The following PIGN variants were observed in gnomAD, a reference collection of about 807,000 sequenced individuals.
PIGN encodes GPI ethanolamine phosphate transferase 1.
Under a neutral mutation model 125.4 loss-of-function variants are expected in PIGN, and 117 were observed. The observed-to-expected ratio is 0.93, with a 90% confidence interval of 0.80 to 1.09. The LOEUF is 1.09. Among genes scored for constraint, PIGN ranks in the 50% least tolerant of loss-of-function variants. The probability of loss-of-function intolerance (pLI) is 0.00; values close to 1 mark genes in which losing one functional copy is unlikely to be tolerated. For missense variants in PIGN, 1,075 were observed against 1,094.9 expected, an observed-to-expected ratio of 0.98 and a Z score of 0.26; for synonymous variants, 392 against 377.8, an observed-to-expected ratio of 1.04 and a Z score of -0.44.
intron 14 of PIGN, among the ~76,000 whole-genome samples, chr18:62,131,083 TAGAA>T (rs2035719158): frequency 6.6e-6 from 1 of 152,098 alleles, no homozygotes; most frequent in South Asian, 2.1e-4. Context: ...GGTAAACTGG[TAGAA>T]AGGTTCACAT....
chr18:62,026,924 A>T (rs1238048772), intron 23 of PIGN, among the ~76,000 whole-genome samples: 2 of 152,304 alleles, frequency 1.3e-5, no homozygotes, highest in Non-Finnish European at 2.9e-5. Context: ...ACGGGGGGCC[A>T]AGGCGCGGTG....
intron 23 of PIGN, among the ~76,000 whole-genome samples, chr18:62,021,771 A>G (rs1599374335): frequency 6.6e-6 from 1 of 152,168 alleles, no homozygotes; most frequent in African/African-American, 2.4e-5. Context: ...ATTATCTCAC[A>G]GTTTCTATAG....
At chr18:62,028,906 A>C (rs2030159571) in intron 23 of PIGN, among the ~76,000 whole-genome samples, 1 of 152,216 alleles carries the variant, frequency 6.6e-6, no homozygotes. Context: ...CCTTTGCAGC[A>C]GTAGATCAGC....
At chr18:62,085,493 C>T (rs1461427723) in intron 25 of PIGN, among the ~76,000 whole-genome samples, 3 of 152,070 alleles carry the variant, frequency 2.0e-5, no homozygotes, top group Admixed American at 2.0e-4. Context: ...CATCCTCACT[C>T]AGTTCCTAGT....
downstream of PIGN, among the ~76,000 whole-genome samples, chr18:62,036,804 C>T (rs923780020): frequency 1.3e-5 from 2 of 152,214 alleles, no homozygotes; most frequent in African/African-American, 2.4e-5. Context: ...TGTCTGGCCA[C>T]TCAGCATTCA....
intron 3 of PIGN, 85 bp downstream of exon 3, chr18:62,162,168 T>C (rs1415915971): frequency 6.6e-6 from 1 of 152,142 alleles, no homozygotes; most frequent in Non-Finnish European, 1.5e-5. Flanking sequence ...TGTAAGTTCA[T>C]CACAGAGCTG....
intron 27 of PIGN, 67 bp from the exon 28 acceptor site, chr18:62,082,813 C>A: frequency 3.7e-6 from 3 of 807,092 alleles, no homozygotes; most frequent in Middle Eastern, 2.6e-4. Flanking sequence ...GAAAAAAATA[C>A]TATTTCTGCT....
chr18:62,081,944 A>T (rs541800483), intron 28 of PIGN, among the ~76,000 whole-genome samples: 1 of 152,282 alleles, frequency 6.6e-6, no homozygotes, highest in South Asian at 2.1e-4. Context: ...AACAACATGC[A>T]AATTTATGCT....
intron 23 of PIGN, among the ~76,000 whole-genome samples, chr18:62,018,039 C>T (rs544426860): frequency 2.2e-4 from 33 of 152,324 alleles, no homozygotes; most frequent in African/African-American, 7.2e-4. Flanking sequence ...CATTCCTTCC[C>T]ACCTTGAGAG....
At chr18:62,158,114 G>A (rs530234188) in intron 4 of PIGN, 235 of 232,266 alleles carry the variant, frequency 1.0e-3, no homozygotes, top group African/African-American at 5.0e-3. Flanking sequence ...GTTATCCAGA[G>A]ATAAAACATA....
intron 23 of PIGN, 31 bp downstream of exon 23, chr18:62,095,817 C>T: frequency 2.5e-6 from 3 of 1,196,160 alleles, no homozygotes; most frequent in Non-Finnish European, 3.7e-6. Context: ...AAACTTGCTG[C>T]TATAAAATTA....
chr18:62,052,749 T>A (rs1229892697), intron 30 of PIGN: 1 of 169,988 alleles, frequency 5.9e-6, no homozygotes, highest in African/African-American at 2.4e-5. Context: ...GTCATTATGA[T>A]GTTAGCTGGT....
chr18:62,037,712 A>C (rs960901435), downstream of PIGN, among the ~76,000 whole-genome samples: 17 of 152,142 alleles, frequency 1.1e-4, no homozygotes, highest in African/African-American at 4.1e-4. Context: ...AAAACCACCT[A>C]TATATTTTTC....
intron 17 of PIGN, among the ~76,000 whole-genome samples, chr18:62,107,985 T>C (rs536057335): frequency 6.6e-6 from 1 of 152,268 alleles, no homozygotes; most frequent in South Asian, 2.1e-4. Flanking sequence ...ATTTCATCAC[T>C]AGGAAAAAAA....
rs2030399306 is a variant in PIGN at position 62,042,030 on chromosome 18, ACT to A, written c.*3824_*3825del. On this transcript the variant is annotated 3_prime_UTR_variant, in exon 31 of 31. Coordinates refer to ENST00000640252, the MANE Select transcript of PIGN (RefSeq NM_176787.5). ...TTTCTCAAATATATTTAATTAAGAA[ACT>A]CTTTTCAGCTGGGTGAGGCAGCTCA... 1 of 151,602 alleles carries A rather than the reference ACT, an allele frequency of 6.6e-6. No homozygotes were observed. Among genetic ancestry groups the A allele is most frequent in the African/African-American group, 2.4e-5 (1 of 41,218 alleles). 9.4% of individuals were successfully genotyped at this position (151,602 alleles called of 1,614,324 possible).
chr18:62,050,018 GGT>G (rs1314496969), intron 30 of PIGN, among the ~76,000 whole-genome samples: 2 of 151,706 alleles, frequency 1.3e-5, no homozygotes, highest in Admixed American at 1.3e-4. Context: ...GTAGATATGT[GGT>G]GTTATTTCTG....
chr18:62,085,388 T>C (rs2145965118), intron 25 of PIGN, 124 bp from the exon 26 acceptor site: 3 of 688,330 alleles, frequency 4.4e-6, no homozygotes, highest in Middle Eastern at 3.4e-4. Context: ...CATGAATTGT[T>C]TTCAATGAAC....
intron 14 of PIGN, among the ~76,000 whole-genome samples, chr18:62,128,737 AATTCT>A (rs2035625446): frequency 6.6e-6 from 1 of 152,174 alleles, no homozygotes; most frequent in Admixed American, 6.5e-5. Context: ...ATATTCATTA[AATTCT>A]ATAAGCCCAT....
intron 1 of PIGN, among the ~76,000 whole-genome samples, chr18:62,177,714 A>G (rs2037574955): frequency 6.6e-6 from 1 of 152,050 alleles, no homozygotes; most frequent in Non-Finnish European, 1.5e-5. Flanking sequence ...TTGTTTAGTA[A>G]CTTTTCCAAA....
Sources: allele counts gnomAD v4.1 joint callset (sites outside exome capture counted in the v4.1 genomes callset), GRCh38; gene constraint gnomAD v4.1.1; transcripts MANE v1.5; gene names NCBI Gene and HGNC (gene_info 2026-07-23, HGNC 2026-07-21).